Variants in STK32B observed in about 807,000 individuals in gnomAD.
STK32B encodes the protein serine/threonine-protein kinase 32B.
Under a neutral mutation model 52.6 loss-of-function variants are expected in STK32B, and 43 were observed. The ratio of observed to expected loss-of-function variants is 0.82; its 90% CI spans 0.64 to 1.05. The LOEUF (loss-of-function observed/expected upper bound fraction) is 1.05, where lower values mean the gene tolerates loss of function less well. Among genes scored for constraint, STK32B ranks in the 50% least tolerant of loss-of-function variants. STK32B has a pLI of 0.00. For missense variants in STK32B, 621 were observed against 534.6 expected (o/e 1.16, Z -1.59); for synonymous variants, 238 against 204.3 (o/e 1.17, Z -1.41).
chr4:5,272,182 A>G (rs1727485699), intron 3 of STK32B, among the ~76,000 whole-genome samples: 1 of 143,676 alleles, frequency 7.0e-6, no homozygotes, highest in Non-Finnish European at 1.5e-5. Flanking sequence ...ACATCCCATC[A>G]ATACCTAATT....
intron 4 of STK32B, among the ~76,000 whole-genome samples, chr4:5,368,812 G>A (rs972395869): frequency 3.3e-5 from 5 of 152,202 alleles, no homozygotes; most frequent in African/African-American, 9.6e-5. Context: ...TGCAAGCCCA[G>A]CTAAATGCTT....
At chr4:5,019,592 G>T in the STK32B span, 1 of 813,132 alleles carries the variant, frequency 1.2e-6, no homozygotes, top group Non-Finnish European at 1.7e-6. Context: ...CACGCCCACC[G>T]GGCAGGGTCG....
chr4:5,192,365 C>A (rs1028093503), intron 3 of STK32B, among the ~76,000 whole-genome samples: 2 of 152,038 alleles, frequency 1.3e-5, no homozygotes, highest in Non-Finnish European at 2.9e-5. Flanking sequence ...CTTTTCCACC[C>A]CAAAGTAATA....
At chr4:5,228,909 G>T (rs1406417069) in intron 3 of STK32B, among the ~76,000 whole-genome samples, 1 of 152,166 alleles carries the variant, frequency 6.6e-6, no homozygotes, top group African/African-American at 2.4e-5. Context: ...GGAGGGTGCA[G>T]TGAGCCAAGG....
chr4:5,456,415 C>A (rs540319814), intron 7 of STK32B, among the ~76,000 whole-genome samples: 39 of 152,364 alleles, frequency 2.6e-4, no homozygotes, highest in Non-Finnish European at 4.4e-4. Flanking sequence ...CAAGGCCCAG[C>A]AAGTGGGGGC....
At chr4:5,158,005 T>C (rs938835924) in intron 2 of STK32B, among the ~76,000 whole-genome samples, 1 of 152,226 alleles carries the variant, frequency 6.6e-6, no homozygotes. Flanking sequence ...TTAGGTTGTG[T>C]TTGGCTTGAG....
At chr4:5,404,692 C>A (rs981742115) in intron 5 of STK32B, among the ~76,000 whole-genome samples, 34 of 151,708 alleles carry the variant, frequency 2.2e-4, no homozygotes, top group Non-Finnish European at 2.9e-4. Flanking sequence ...TGTTACCCTC[C>A]TCGCTCCGGG....
chr4:5,475,858 T>C (rs1718198766), intron 11 of STK32B, among the ~76,000 whole-genome samples: 1 of 152,144 alleles, frequency 6.6e-6, no homozygotes, highest in Non-Finnish European at 1.5e-5. Flanking sequence ...ATATTCACAC[T>C]TGATCTACAA....
At chr4:5,369,635 C>A (rs1404321272) in intron 4 of STK32B, among the ~76,000 whole-genome samples, 4 of 152,150 alleles carry the variant, frequency 2.6e-5, no homozygotes, top group African/African-American at 9.7e-5. Flanking sequence ...GCTGACACAT[C>A]ATGCCTGCTT....
chr4:5,039,985 A>G, the STK32B span, among the ~76,000 whole-genome samples: 2 of 152,064 alleles, frequency 1.3e-5, no homozygotes, highest in East Asian at 3.9e-4. Context: ...GTCCCACACC[A>G]CGGCTACTTC....
At chr4:5,364,869 TG>T (rs1298743306) in intron 4 of STK32B, among the ~76,000 whole-genome samples, 1,713 of 150,984 alleles carry the variant, frequency 0.011, 21 homozygotes, top group South Asian at 0.058. Context: ...TGGAAAAAAA[TG>T]TTATTATTAT....
At chr4:5,225,252 C>A (rs1200204990) in intron 3 of STK32B, among the ~76,000 whole-genome samples, 1 of 151,924 alleles carries the variant, frequency 6.6e-6, no homozygotes, top group African/African-American at 2.4e-5. Context: ...AACCCCATCT[C>A]TACTAAAATT....
intron 3 of STK32B, among the ~76,000 whole-genome samples, chr4:5,207,600 C>T (rs1722650449): frequency 6.6e-6 from 1 of 151,928 alleles, no homozygotes; most frequent in South Asian, 2.1e-4. Context: ...CACCCTGTGA[C>T]ACCTGTCCCA....
chr4:5,039,854 A>G, the STK32B span, among the ~76,000 whole-genome samples: 2 of 152,224 alleles, frequency 1.3e-5, no homozygotes, highest in East Asian at 3.8e-4. Context: ...TTGCTGCCCA[A>G]AATGTCATGA....
At chr4:5,095,920 T>G (rs558678191) in intron 1 of STK32B, among the ~76,000 whole-genome samples, 83 of 152,344 alleles carry the variant, frequency 5.4e-4, no homozygotes, top group African/African-American at 2.0e-3. Flanking sequence ...ACAATTTTGA[T>G]GTAATATGTT....
At chr4:5,473,676 G>A (rs947440410) in intron 11 of STK32B, among the ~76,000 whole-genome samples, 16 of 152,148 alleles carry the variant, frequency 1.1e-4, no homozygotes, top group African/African-American at 3.6e-4. Flanking sequence ...GAACCCAGAC[G>A]TTTCAGGTGC....
At chr4:5,144,213 A>T (rs768525114) in intron 2 of STK32B, among the ~76,000 whole-genome samples, 2 of 152,150 alleles carry the variant, frequency 1.3e-5, no homozygotes, top group Non-Finnish European at 1.5e-5. Flanking sequence ...ACAAACAAGG[A>T]TTCAAATGCC....
intron 4 of STK32B, among the ~76,000 whole-genome samples, chr4:5,337,655 T>G (rs1264610806): frequency 6.6e-6 from 1 of 152,006 alleles, no homozygotes; most frequent in African/African-American, 2.4e-5. Flanking sequence ...GCACCTGGCC[T>G]TGAGAGATTT....
chr4:5,153,633 A>G (rs1037572830), intron 2 of STK32B, among the ~76,000 whole-genome samples: 3 of 152,202 alleles, frequency 2.0e-5, no homozygotes, highest in African/African-American at 7.2e-5. Flanking sequence ...TTTCCAAAGT[A>G]GAAACAAGGC....
Sources: allele counts gnomAD v4.1 joint callset (sites outside exome capture counted in the v4.1 genomes callset), GRCh38; gene constraint gnomAD v4.1.1; transcripts MANE v1.5; gene names NCBI Gene and HGNC (gene_info 2026-07-23, HGNC 2026-07-21).